Variants in RHOT1 observed in about 807,000 individuals in gnomAD.
RHOT1 encodes the protein mitochondrial Rho GTPase 1.
A neutral mutation model predicts 95.3 loss-of-function variants in RHOT1; 27 were observed. The ratio of observed to expected loss-of-function variants is 0.28; its 90% CI spans 0.21 to 0.39. RHOT1 has a LOEUF of 0.39. Ranked by LOEUF, RHOT1 falls within the 10% of genes least tolerant of loss-of-function variation. The probability of loss-of-function intolerance (pLI) is 1.00; values close to 1 mark genes in which losing one functional copy is unlikely to be tolerated. For missense variants in RHOT1, 578 were observed against 786.7 expected, an observed-to-expected ratio of 0.73 and a Z score of 3.17; for synonymous variants, 227 against 263.5, an observed-to-expected ratio of 0.86 and a Z score of 1.34.
intron 1 of RHOT1, among the ~76,000 whole-genome samples, chr17:32,149,635 A>ATATATATATATATATATATG (rs1445281403): frequency 3.4e-5 from 2 of 59,096 alleles, no homozygotes; most frequent in Non-Finnish European, 6.8e-5. Context: ...ATATATATAT[A>ATATATATATATATATATATG]TGTGTGTGTG....
intron 19 of RHOT1, among the ~76,000 whole-genome samples, chr17:32,216,009 A>G (rs912183119): frequency 5.3e-5 from 8 of 152,182 alleles, no homozygotes; most frequent in African/African-American, 1.9e-4. Flanking sequence ...TTACTGGAGA[A>G]AAAGACCTTT....
chr17:32,206,192 CTTTTTTTT>C (rs71144812), intron 16 of RHOT1, among the ~76,000 whole-genome samples: 881 of 60,506 alleles, frequency 0.015, 5 homozygotes, highest in African/African-American at 0.05. Flanking sequence ...TCCATAGAAT[CTTTTTTTT>C]TTTTTTTTTT....
intron 1 of RHOT1, among the ~76,000 whole-genome samples, chr17:32,165,088 C>A (rs1454228745): frequency 2.6e-5 from 4 of 152,046 alleles, no homozygotes; most frequent in African/African-American, 9.7e-5. Context: ...CGCCTGTAAT[C>A]CCAGCACTTT....
intron 1 of RHOT1, among the ~76,000 whole-genome samples, chr17:32,165,336 C>CA (rs773728913): frequency 0.027 from 939 of 34,222 alleles, 49 homozygotes; most frequent in Non-Finnish European, 0.035. Context: ...GACTCCGTCT[C>CA]AAAAAAAAAA....
At chr17:32,206,094 CT>C (rs1356469836) in intron 16 of RHOT1, among the ~76,000 whole-genome samples, 1 of 150,594 alleles carries the variant, frequency 6.6e-6, no homozygotes. Context: ...CTGACTTAAT[CT>C]TTCTAGCCCG....
intron 1 of RHOT1, chr17:32,151,206 T>C: frequency 1.3e-6 from 1 of 757,210 alleles, no homozygotes; most frequent in East Asian, 2.6e-5. Flanking sequence ...TCTGGGAACA[T>C]GGTCTGGCTA....
In RHOT1 at chr17:32,196,181, CTTT is replaced by C. The variant is rs1226938688; in HGVS notation, c.869+2090_869+2092del. On this transcript the variant is annotated intron_variant, in intron 11 of 19. Transcript: ENST00000545287. Reference sequence around the variant, plus strand: ...ACACAGGATAAAACCCAAGCTGCTGCTTTTTTTTTTTTTTTTTTGAGACAGGGT... The same window carrying C: ...ACACAGGATAAAACCCAAGCTGCTGCTTTTTTTTTTTTTTTGAGACAGGGT... Among the ~76,000 whole-genome samples the C allele has an allele frequency of 5.1e-4, 68 of 134,494 alleles. 1 individual carries two copies. Among genetic ancestry groups the C allele is most frequent in the African/African-American group, 1.6e-3 (57 of 36,588 alleles). 88.2% of individuals were successfully genotyped at this position (134,494 alleles called of 152,430 possible).
chr17:32,151,833 G>A (rs1304275039), intron 1 of RHOT1, among the ~76,000 whole-genome samples: 1 of 141,504 alleles, frequency 7.1e-6, no homozygotes, highest in Non-Finnish European at 1.5e-5. Context: ...AATGAGCTGA[G>A]ATTGCACCAT....
intron 6 of RHOT1, 127 bp from the exon 7 acceptor site, chr17:32,182,630 G>C: frequency 1.6e-6 from 1 of 616,498 alleles, no homozygotes; most frequent in South Asian, 2.4e-5. Flanking sequence ...CCTGACTGTA[G>C]AGAAAGGTTC....
At chr17:32,150,585 C>T in intron 1 of RHOT1, 1 of 1,587,276 alleles carries the variant, frequency 6.3e-7, no homozygotes, top group Non-Finnish European at 8.6e-7. Context: ...GAGAGGAACC[C>T]TGTCCTCCTA....
chr17:32,192,429 C>CT, intron 9 of RHOT1, 130 bp downstream of exon 9: 6 of 627,310 alleles, frequency 9.6e-6, no homozygotes, highest in Non-Finnish European at 1.6e-5. Context: ...TCTCATAAAA[C>CT]TATCTTTCAC....
At chr17:32,195,814 C>G (rs1386509755) in intron 11 of RHOT1, among the ~76,000 whole-genome samples, 4 of 152,092 alleles carry the variant, frequency 2.6e-5, no homozygotes, top group Non-Finnish European at 4.4e-5. Flanking sequence ...CTAGATTTTT[C>G]AATAAATATA....
chr17:32,211,760 G>T (rs764537550), intron 19 of RHOT1, among the ~76,000 whole-genome samples: 12 of 152,054 alleles, frequency 7.9e-5, no homozygotes, highest in Non-Finnish European at 4.4e-5. Context: ...GAAAGAACAT[G>T]GTTTCTAGAC....
Position 32,143,818 on chromosome 17 carries a change from C to G in RHOT1, c.37+1089C>G, listed in dbSNP as rs139405107. ...CTGTTTCGAAGCATTCTGTTTTAAA[C>G]CATTATTTCATTCTTGGTAACCCCT... is the stretch of plus-strand genomic sequence containing the variant. On this transcript the variant is annotated intron_variant, in intron 1 of 19. Coordinates refer to ENST00000545287, the MANE Select transcript of RHOT1 (RefSeq NM_001033566.3). Among the ~76,000 whole-genome samples the G allele has an allele frequency of 9.0e-3, 1,368 of 152,328 alleles. 24 individuals are homozygous for G. The highest frequency in any genetic ancestry group is 0.031 in the African/African-American group (1,295 of 41,576).
chr17:32,155,187 G>T (rs891772209), intron 1 of RHOT1, among the ~76,000 whole-genome samples: 1 of 151,972 alleles, frequency 6.6e-6, no homozygotes, highest in African/African-American at 2.4e-5. Flanking sequence ...ATGGAGTCTC[G>T]CTCTGTCGCC....
At chr17:32,143,113 C>T (rs1352427000) in intron 1 of RHOT1, 4 of 571,190 alleles carry the variant, frequency 7.0e-6, no homozygotes, top group Non-Finnish European at 1.4e-5. Context: ...TCCTTTCAGA[C>T]CTTCTTGTCT....
At chr17:32,220,005 G>C (rs935846620) in intron 19 of RHOT1, among the ~76,000 whole-genome samples, 1 of 152,170 alleles carries the variant, frequency 6.6e-6, no homozygotes, top group African/African-American at 2.4e-5. Context: ...ATTCTGGAAA[G>C]TCTATCTTAA....
Position 32,182,743 on chromosome 17 carries a change from C to T in RHOT1, c.330-14C>T. On this transcript the variant is annotated splice_polypyrimidine_tract_variant and intron_variant, in intron 6 of 19. Transcript: ENST00000545287. The stretch of plus-strand genomic sequence containing the variant: ...TTTTGCCTTCCTTATTACAATGTGC[C>T]CTGTTTATTTTAGGCTGCCTTTAAT... 7.0e-7 allele frequency: 1 copy of T among 1,429,900 alleles called. No homozygotes were observed. The highest frequency in any genetic ancestry group is 9.7e-7 in the Non-Finnish European group (1 of 1,028,662). The allele number at this position is 1,429,900 out of a possible 1,614,324, so 88.6% of individuals were successfully genotyped here.
chr17:32,187,506 T>G (rs1185489002), intron 8 of RHOT1, among the ~76,000 whole-genome samples: 1 of 152,114 alleles, frequency 6.6e-6, no homozygotes, highest in Non-Finnish European at 1.5e-5. Context: ...AAGTTTATAG[T>G]ATAAGTGAGT....
Sources: gnomAD v4.1 joint callset for allele counts (sites outside exome capture counted in the v4.1 genomes callset) on GRCh38, gnomAD v4.1.1 for gene constraint, MANE v1.5 for transcripts, NCBI Gene and HGNC (gene_info 2026-07-23, HGNC 2026-07-21) for gene names.